The following BRINP3 variants were observed in gnomAD, a reference collection of about 807,000 sequenced individuals.
The protein encoded by BRINP3 is BMP/retinoic acid-inducible neural-specific protein 3.
In BRINP3, 19 loss-of-function variants were observed where a neutral mutation model predicts 71.0. The ratio of observed to expected loss-of-function variants is 0.27; its 90% CI spans 0.19 to 0.39. The LOEUF is 0.39. BRINP3 is among the 10% of genes least tolerant of loss of function. The pLI, the probability that BRINP3 is intolerant of heterozygous loss-of-function variation, is 1.00. For synonymous variants in BRINP3, 380 were observed against 337.7 expected, an observed-to-expected ratio of 1.13 and a Z score of -1.37; for missense variants, 959 against 940.8, an observed-to-expected ratio of 1.02 and a Z score of -0.25.
At chr1:190,279,329 A>G (rs1229468710) in intron 3 of BRINP3, among the ~76,000 whole-genome samples, 1 of 151,816 alleles carries the variant, frequency 6.6e-6, no homozygotes, top group African/African-American at 2.4e-5. Flanking sequence ...AATGCATCAC[A>G]TACTTAAATT....
At chr1:190,335,773 T>G (rs552469437) in intron 2 of BRINP3, among the ~76,000 whole-genome samples, 6 of 152,122 alleles carry the variant, frequency 3.9e-5, no homozygotes, top group Non-Finnish European at 8.8e-5. Context: ...AAAGTCTGAA[T>G]GAAGCTAGCT....
Position 190,414,523 on chromosome 1 carries a change from C to T in BRINP3, c.236+40132G>A, listed in dbSNP as rs1198941810. On this transcript the variant is annotated intron_variant, in intron 2 of 7. Coordinates refer to ENST00000367462, the MANE Select transcript of BRINP3 (RefSeq NM_199051.3). ...AACAACTGTTTTCTGTCTTTGTATT[C>T]TGCCATTCTTGTTTCATGGTTTCAC... Among the ~76,000 whole-genome samples the T allele has an allele frequency of 2.0e-5, 3 of 152,142 alleles. No individual in the cohort carries two copies. The East Asian group carries it at 5.8e-4, about 29-fold the overall frequency.
intron 7 of BRINP3, among the ~76,000 whole-genome samples, chr1:190,152,188 G>A (rs1250339269): frequency 6.6e-6 from 1 of 151,886 alleles, no homozygotes; most frequent in African/African-American, 2.4e-5. Context: ...ATTGTTGTCA[G>A]TAAAATTAAT....
At chr1:190,378,200 T>C (rs1670302344) in intron 2 of BRINP3, among the ~76,000 whole-genome samples, 1 of 152,184 alleles carries the variant, frequency 6.6e-6, no homozygotes, top group African/African-American at 2.4e-5. Flanking sequence ...GACGTAAACA[T>C]GTGATCCAAT....
rs368012677 is a variant in BRINP3 at position 190,229,698 on chromosome 1, C to G, written c.725-3380G>C. Among the ~76,000 whole-genome samples, 210 of 124,754 alleles carry G rather than the reference C, an allele frequency of 1.7e-3. No homozygotes were observed. In the Middle Eastern group the frequency reaches 0.018, roughly 11 times the overall value. 81.8% of individuals were successfully genotyped at this position (124,754 alleles called of 152,430 possible). On this transcript the variant is annotated intron_variant, in intron 5 of 7. Transcript: ENST00000367462. Reference sequence around the variant, plus strand: ...CACACACACACACACACAAAGAAACCACTAGCTTTCACCAGATCTGAAGTA... The same window carrying G: ...CACACACACACACACACAAAGAAACGACTAGCTTTCACCAGATCTGAAGTA...
At chr1:190,373,439 T>TGTGC (rs1669994798) in intron 2 of BRINP3, among the ~76,000 whole-genome samples, 2 of 97,346 alleles carry the variant, frequency 2.1e-5, no homozygotes, top group South Asian at 5.5e-4. Flanking sequence ...TATATATGTG[T>TGTGC]GTGTGTGTGT....
chr1:190,200,079 T>C (rs1374845688), intron 6 of BRINP3, among the ~76,000 whole-genome samples: 1 of 152,116 alleles, frequency 6.6e-6, no homozygotes, highest in African/African-American at 2.4e-5. Context: ...TCCTTATTGT[T>C]TCTCATCGAT....
intron 6 of BRINP3, among the ~76,000 whole-genome samples, chr1:190,221,933 C>T (rs1656926263): frequency 6.6e-6 from 1 of 151,854 alleles, no homozygotes; most frequent in Non-Finnish European, 1.5e-5. Flanking sequence ...ATTAGTAGAG[C>T]TAAAAATATA....
At chr1:190,261,185 C>T (rs1305068834) in intron 4 of BRINP3, among the ~76,000 whole-genome samples, 1 of 151,500 alleles carries the variant, frequency 6.6e-6, no homozygotes. Flanking sequence ...TCATCACCGT[C>T]AATTATATAG....
intron 4 of BRINP3, among the ~76,000 whole-genome samples, chr1:190,248,299 CTATT>C (rs1343781700): frequency 3.3e-5 from 5 of 151,232 alleles, no homozygotes; most frequent in Non-Finnish European, 7.4e-5. Context: ...AGTCAAGTTG[CTATT>C]TATTTTTTAT....
chr1:190,355,347 C>T (rs1325733143), intron 2 of BRINP3, among the ~76,000 whole-genome samples: 2 of 151,768 alleles, frequency 1.3e-5, no homozygotes, highest in Non-Finnish European at 2.9e-5. Flanking sequence ...CTTGACATGT[C>T]ATGGAACACC....
intron 2 of BRINP3, among the ~76,000 whole-genome samples, chr1:190,348,681 T>C (rs1205966594): frequency 6.6e-6 from 1 of 152,172 alleles, no homozygotes; most frequent in East Asian, 1.9e-4. Context: ...GAGTCTACTA[T>C]TTTGACTTGC....
At chr1:190,230,915 T>A (rs1657915091) in intron 5 of BRINP3, among the ~76,000 whole-genome samples, 1 of 151,508 alleles carries the variant, frequency 6.6e-6, no homozygotes, top group South Asian at 2.1e-4. Flanking sequence ...ACTTATCTTC[T>A]ATAAAAGTAA....
chr1:190,372,130 G>C (rs537378485), intron 2 of BRINP3, among the ~76,000 whole-genome samples: 6 of 152,184 alleles, frequency 3.9e-5, no homozygotes, highest in Admixed American at 3.9e-4. Flanking sequence ...GGCTAAGAGA[G>C]GACACAACAG....
intron 2 of BRINP3, among the ~76,000 whole-genome samples, chr1:190,405,394 T>A (rs1672199705): frequency 7.8e-6 from 1 of 127,998 alleles, no homozygotes; most frequent in Non-Finnish European, 1.6e-5. Flanking sequence ...GAGCTTGCGG[T>A]GAGCTGAGAT....
chr1:190,225,989 C>A (rs1388958794), intron 6 of BRINP3, 93 bp downstream of exon 6: 4 of 828,272 alleles, frequency 4.8e-6, no homozygotes, highest in Non-Finnish European at 7.4e-6. Context: ...ATCTTTCCAA[C>A]TATGTAATAG....
At chr1:190,345,680 A>C (rs528755368) in intron 2 of BRINP3, among the ~76,000 whole-genome samples, 1 of 149,140 alleles carries the variant, frequency 6.7e-6, no homozygotes, top group African/African-American at 2.5e-5. Flanking sequence ...GAATTAAATT[A>C]CCGAAATCAA....
chr1:190,170,536 T>C (rs879372595), intron 6 of BRINP3, among the ~76,000 whole-genome samples: 1 of 152,176 alleles, frequency 6.6e-6, no homozygotes, highest in African/African-American at 2.4e-5. Context: ...CATTTTTTTA[T>C]ATCTTATGAC....
chr1:190,262,721 C>A (rs190506977), intron 4 of BRINP3, among the ~76,000 whole-genome samples: 1 of 152,310 alleles, frequency 6.6e-6, no homozygotes, highest in Non-Finnish European at 1.5e-5. Context: ...TTTCTTCCCT[C>A]TCAGAACTGC....
Sources: allele counts gnomAD v4.1 joint callset (sites outside exome capture counted in the v4.1 genomes callset), GRCh38; gene constraint gnomAD v4.1.1; transcripts MANE v1.5; gene names NCBI Gene and HGNC (gene_info 2026-07-23, HGNC 2026-07-21).